Variants in FAAP20 observed in about 807,000 individuals in gnomAD.
FAAP20 encodes Fanconi anemia core complex-associated protein 20.
Under a neutral mutation model 16.2 loss-of-function variants are expected in FAAP20, and 12 were observed. The ratio of observed to expected loss-of-function variants is 0.74; its 90% CI spans 0.48 to 1.20. FAAP20 has a LOEUF of 1.20. Ranked by LOEUF, FAAP20 falls within the 50% of genes most tolerant of loss-of-function variation. FAAP20 has a pLI of 0.00. For synonymous variants in FAAP20, 141 were observed against 110.7 expected (o/e 1.27, Z -1.72); for missense variants, 288 against 245.8 (o/e 1.17, Z -1.15).
upstream of FAAP20, chr1:2,194,849 G>GC (rs1170406408): frequency 4.1e-4 from 385 of 931,554 alleles, no homozygotes; most frequent in Non-Finnish European, 4.6e-4. Context: ...CAGCGAGGCC[G>GC]CCCCCCTCCG....
At chr1:2,186,501 C>CA (rs912371051), downstream of FAAP20, among the ~76,000 whole-genome samples, 8 of 148,920 alleles carry the variant, frequency 5.4e-5, no homozygotes, top group South Asian at 2.2e-4. Flanking sequence ...CACCCGCCCC[C>CA]CCCCGGCCAG....
rs1688548045 is a variant in FAAP20 at position 2,193,888 on chromosome 1, G to A, written c.221C>T (p.Pro74Leu). 1.9e-6 allele frequency: 3 copies of A among 1,612,264 alleles called. No individual in the cohort carries two copies. Among genetic ancestry groups the A allele is most frequent in the Non-Finnish European group, 2.5e-6 (3 of 1,179,766 alleles). ...PGQEPRCGPEPTEVFTVGPKT... is the reference protein window; with the variant it reads ...PGQEPRCGPELTEVFTVGPKT... ...GGGTCCGACAGTGAAGACTTCAGTG[G>A]GCTCCGGGCCGCACCTGGGCTCCTG... The change falls in exon 3 of 4, where the codon CCC (proline) becomes CTC (leucine). Residue 74 changes from proline (P) to leucine (L), a missense_variant. By Grantham distance (98) the Pro-to-Leu change is moderately conservative. Coordinates refer to ENST00000378546, the MANE Select transcript of FAAP20 (RefSeq NM_182533.4).
At position 2,189,574 on chromosome 1, in the gene FAAP20, GAGCCCGCCCT is replaced by G; in HGVS notation, c.*125_*134del. 1 of 745,668 alleles carries G rather than the reference GAGCCCGCCCT, an allele frequency of 1.3e-6. No individual in the cohort carries two copies. Among genetic ancestry groups the G allele is most frequent in the South Asian group, 1.5e-5 (1 of 66,922 alleles). 46.2% of individuals were successfully genotyped at this position (745,668 alleles called of 1,614,324 possible). A position where few individuals can be genotyped will look rare whatever the true frequency, so the allele number is the denominator to read the frequency against. On this transcript the variant is annotated 3_prime_UTR_variant, in exon 4 of 4. Transcript: ENST00000378546. Reference sequence around the variant, plus strand: ...TTCATCACAACACAGAGACAGACAGGAGCCCGCCCTGCTTTAATGCGCATGCGGGGGAGCC... The same window carrying G: ...TTCATCACAACACAGAGACAGACAGGGCTTTAATGCGCATGCGGGGGAGCC...
chr1:2,210,187 C>T (rs1019380736), downstream of FAAP20, among the ~76,000 whole-genome samples: 10 of 152,292 alleles, frequency 6.6e-5, no homozygotes, highest in South Asian at 1.0e-3. Context: ...TGTGCCTGCC[C>T]GTGTCAGACA....
Position 2,189,776 on chromosome 1 carries a change from G to A in FAAP20, c.476C>T (p.Thr159Ile). 1 of 1,612,118 alleles carries A rather than the reference G, an allele frequency of 6.2e-7. No homozygotes were observed. The highest frequency in any genetic ancestry group is 8.5e-7 in the Non-Finnish European group (1 of 1,179,106). The change falls in exon 4 of 4, where the codon ACC becomes ATC. Residue 159 changes from threonine (T) to isoleucine (I), a missense_variant. Physicochemically the swap from Thr to Ile is moderately conservative, Grantham distance 89. Transcript: ENST00000378546. ...CAGGTGGCTGTCAACATCCAGCTGG[G>A]TCAGCCTGCAAGGGAGGGGCCACAC... is the stretch of plus-strand genomic sequence containing the variant. ...MCQKEFAPRL[T>I]QLDVDSHLAQ...
chr1:2,212,516 C>T (rs1466544081), intron 1 of FAAP20: 3 of 161,494 alleles, frequency 1.9e-5, no homozygotes, highest in Non-Finnish European at 4.0e-5. Flanking sequence ...CTGCAGCCCC[C>T]CCACCCCCAC....
chr1:2,199,621 G>A (rs1688966605), upstream of FAAP20: 1 of 985,884 alleles, frequency 1.0e-6, no homozygotes, highest in Non-Finnish European at 1.2e-6. The surrounding 1 kb of genome is among the most constrained non-coding windows in gnomAD (Gnocchi z 4.5). Flanking sequence ...CAAGCTGGAG[G>A]AGCACTGTGG....
chr1:2,189,011 G>GAAAA (rs71578368), downstream of FAAP20, among the ~76,000 whole-genome samples: 2 of 105,914 alleles, frequency 1.9e-5, no homozygotes, highest in African/African-American at 3.4e-5. Flanking sequence ...TCTCAAAAAA[G>GAAAA]AAAAAAAAAA....
chr1:2,193,373 CG>C, intron 3 of FAAP20: 2 of 566,000 alleles, frequency 3.5e-6, no homozygotes, highest in Non-Finnish European at 6.0e-6. Flanking sequence ...CAGGTGGACC[CG>C]GGGCCAGTGC....
downstream of FAAP20, among the ~76,000 whole-genome samples, chr1:2,187,780 G>A (rs144179083): frequency 6.1e-4 from 93 of 152,230 alleles, no homozygotes; most frequent in East Asian, 7.0e-3. Context: ...GTCGCCCCAC[G>A]CCCAGAGTTC....
intron 3 of FAAP20, chr1:2,192,223 A>G (rs917351553): frequency 1.6e-5 from 16 of 986,026 alleles, no homozygotes; most frequent in African/African-American, 1.7e-5. Flanking sequence ...TCCCAAAGAT[A>G]TGGGGCTTGT....
At chr1:2,196,871 C>T (rs959153463), upstream of FAAP20, among the ~76,000 whole-genome samples, 1 of 151,830 alleles carries the variant, frequency 6.6e-6, no homozygotes, top group African/African-American at 2.4e-5. This position sits in a 1 kb window ranked among gnomAD's most constrained non-coding sequence, Gnocchi z 4.5. Context: ...GAGAAAAGCC[C>T]TTGGTGACAA....
chr1:2,199,377 G>A (rs951001407), upstream of FAAP20: 18 of 1,017,706 alleles, frequency 1.8e-5, no homozygotes, highest in African/African-American at 2.1e-4. This position sits in a 1 kb window ranked among gnomAD's most constrained non-coding sequence, Gnocchi z 4.5. Context: ...ACGTCCCCCC[G>A]CCCGGAGAAG....
chr1:2,185,731 G>C (rs139733988), downstream of FAAP20, among the ~76,000 whole-genome samples: 7 of 152,284 alleles, frequency 4.6e-5, no homozygotes, highest in East Asian at 1.9e-4. Flanking sequence ...CCAAAAAAGA[G>C]AAAAAACTGA....
chr1:2,185,355 G>C (rs746976501), downstream of FAAP20: 16 of 718,724 alleles, frequency 2.2e-5, no homozygotes, highest in Non-Finnish European at 4.2e-5. Flanking sequence ...GAAAGTGAGC[G>C]TGTAGCGTCC....
chr1:2,185,721 C>A (rs373832576), downstream of FAAP20, among the ~76,000 whole-genome samples: 34 of 152,168 alleles, frequency 2.2e-4, no homozygotes, highest in South Asian at 6.8e-3. Flanking sequence ...GCACAGTAGA[C>A]CAAAAAAGAG....
downstream of FAAP20, among the ~76,000 whole-genome samples, chr1:2,207,939 T>TGTGTGTGG (rs1689323948): frequency 6.6e-6 from 1 of 151,052 alleles, no homozygotes; most frequent in South Asian, 2.1e-4. Context: ...TGTGTGTGTG[T>TGTGTGTGG]GTGTGTGTGT....
chr1:2,200,659 G>C (rs1689014011), upstream of FAAP20: 1 of 986,806 alleles, frequency 1.0e-6, no homozygotes, highest in Non-Finnish European at 1.2e-6. Flanking sequence ...GCAGCCCCAG[G>C]AGACACGCAG....
rs2100687474 is a variant in FAAP20 at position 2,193,764 on chromosome 1, G to A, written c.345C>T (p.Ala115=). The change falls in exon 3 of 4, where the codon GCC becomes GCT. Residue 115 remains alanine, a synonymous_variant. Transcript: ENST00000378546. ...GTGCCGGGCGCTGGGGCAGGGACCTGGCGGGGGATTCCAGGTGCCCTCCTG... is the reference window on the plus strand; with the variant it reads ...GTGCCGGGCGCTGGGGCAGGGACCTAGCGGGGGATTCCAGGTGCCCTCCTG... ...HGAGGHLESP[A]RSLPQRPAPD... The A allele has an allele frequency of 1.3e-6, 2 of 1,594,686 alleles. No individual in the cohort carries two copies. The highest frequency in any genetic ancestry group is 1.7e-6 in the Non-Finnish European group (2 of 1,174,042).
Sources: allele counts gnomAD v4.1 joint callset (sites outside exome capture counted in the v4.1 genomes callset), GRCh38; gene constraint gnomAD v4.1.1; non-coding constraint Gnocchi (gnomAD v3.1); transcripts MANE v1.5; gene names NCBI Gene and HGNC (gene_info 2026-07-23, HGNC 2026-07-21).